FHDC1: variants seen among roughly 807,000 people sequenced by gnomAD.
The protein encoded by FHDC1 is FH2 domain-containing protein 1.
Under a neutral mutation model 52.6 loss-of-function variants are expected in FHDC1, and 25 were observed. The observed-to-expected ratio is 0.48, with a 90% CI of 0.35 to 0.66. The LOEUF (loss-of-function observed/expected upper bound fraction) is 0.66, where lower values mean the gene tolerates loss of function less well. FHDC1 is among the 30% of genes least tolerant of loss of function. The pLI is 0.01. For missense variants in FHDC1, 1,459 were observed against 1,452.8 expected, an observed-to-expected ratio of 1.00 and a Z score of -0.07; for synonymous variants, 616 against 581.5, an observed-to-expected ratio of 1.06 and a Z score of -0.85.
the FHDC1 span, among the ~76,000 whole-genome samples, chr4:152,922,499 T>A: frequency 6.6e-6 from 1 of 151,416 alleles, no homozygotes; most frequent in African/African-American, 2.4e-5. Context: ...CCTCCCTAAC[T>A]CATTTTATGA....
In FHDC1 at chr4:152,965,703, G is replaced by A. The variant is rs553794000; in HGVS notation, c.1100+728G>A. Among the ~76,000 whole-genome samples the A allele has an allele frequency of 1.6e-4, 25 of 152,282 alleles. No homozygotes were observed. The East Asian group carries it at 1.7e-3, about 11-fold the overall frequency. On this transcript the variant is annotated intron_variant, in intron 9 of 11. Coordinates refer to ENST00000511601, the MANE Select transcript of FHDC1 (RefSeq NM_001371116.1). ...TGCTGATTTCCGTGTTGTAAATACC[G>A]TAACCATGGCTGATGTCAAGCTGCT...
At chr4:152,971,372 C>T (rs1277338047) in intron 10 of FHDC1, among the ~76,000 whole-genome samples, 2 of 152,150 alleles carry the variant, frequency 1.3e-5, no homozygotes, top group African/African-American at 4.8e-5. Context: ...CATAAGACTT[C>T]AGTGTGATTC....
At chr4:152,945,339 A>C (rs970098324) in intron 2 of FHDC1, among the ~76,000 whole-genome samples, 3 of 152,224 alleles carry the variant, frequency 2.0e-5, no homozygotes, top group Non-Finnish European at 4.4e-5. Flanking sequence ...CACCCTATGC[A>C]GATTTTTACA....
upstream of FHDC1, among the ~76,000 whole-genome samples, chr4:152,934,645 C>T (rs72725617): frequency 3.3e-3 from 505 of 152,154 alleles, no homozygotes; most frequent in Non-Finnish European, 5.7e-3. Context: ...ACTGGGAGAT[C>T]GAGAGTTGGA....
intron 4 of FHDC1, among the ~76,000 whole-genome samples, chr4:152,956,263 T>C (rs1462271472): frequency 6.6e-6 from 1 of 152,186 alleles, no homozygotes; most frequent in Admixed American, 6.5e-5. Context: ...TACCCACTCC[T>C]AATTGACCTC....
chr4:152,960,870 G>A (rs770383925), intron 6 of FHDC1, 26 bp downstream of exon 6: 3 of 1,507,672 alleles, frequency 2.0e-6, no homozygotes, highest in Non-Finnish European at 2.7e-6. Context: ...ATCCTTCGCA[G>A]AATTTGTTTT....
At chr4:152,936,137 T>C (rs1275553272), upstream of FHDC1, among the ~76,000 whole-genome samples, 7 of 151,772 alleles carry the variant, frequency 4.6e-5, no homozygotes, top group Admixed American at 6.6e-5. Context: ...CAGGTGAAGG[T>C]GAGCGCGTGG....
intron 3 of FHDC1, 132 bp downstream of exon 3, chr4:152,953,692 C>A: frequency 1.4e-6 from 1 of 739,906 alleles, no homozygotes; most frequent in Non-Finnish European, 2.3e-6. Flanking sequence ...CTTGATGAGC[C>A]TGCAAGTGAC....
At chr4:152,971,585 G>A (rs534390178) in intron 10 of FHDC1, among the ~76,000 whole-genome samples, 20 of 152,282 alleles carry the variant, frequency 1.3e-4, no homozygotes, top group African/African-American at 4.6e-4. Flanking sequence ...TCTGTGTTGA[G>A]GCAGTACCAG....
Position 152,960,634 on chromosome 4 carries a change from T to A in FHDC1, c.733T>A (p.Leu245Ile). 6.2e-7 allele frequency: 1 copy of A among 1,614,180 alleles called. No individual in the cohort carries two copies. Among genetic ancestry groups the A allele is most frequent in the Non-Finnish European group, 8.5e-7 (1 of 1,180,026 alleles). Reference protein sequence around the residue: ...LSLADSFLYGLIQVPNYSLRI... With the variant: ...LSLADSFLYGIIQVPNYSLRI... ...TCTGGCAGATTCCTTTCTGTATGGC[T>A]TAATTCAGGTGCCAAAGTAAGGATA... The change falls in exon 5 of 12, where the codon TTA becomes ATA. Residue 245 changes from leucine (L) to isoleucine (I), a missense_variant. Physicochemically the swap from Leu to Ile is conservative, Grantham distance 5. Around this residue, in one of 3 missense-constraint regions of FHDC1, gnomAD observed 513 missense variants for 581.5 expected, o/e 0.88. Coordinates refer to ENST00000511601, the MANE Select transcript of FHDC1 (RefSeq NM_001371116.1).
Position 152,953,480 on chromosome 4 carries a change from TC to T in FHDC1, c.499-17del. The stretch of plus-strand genomic sequence containing the variant: ...TATTTGAATTTAGTAATCCTATGTG[TC>T]CTTATTTTTTTTTCCAGATTACTAT... On this transcript the variant is annotated intron_variant, in intron 2 of 11. Transcript: ENST00000511601. The T allele has an allele frequency of 6.2e-7, 1 of 1,600,406 alleles. No individual in the cohort carries two copies. Among genetic ancestry groups the T allele is most frequent in the Non-Finnish European group, 8.5e-7 (1 of 1,169,860 alleles).
At position 152,977,133 on chromosome 4, in the gene FHDC1, C is replaced by T. The variant is rs1740923887; in HGVS notation, c.*410C>T. 1.3e-5 allele frequency: 2 copies of T among 154,982 alleles called. No individual in the cohort carries two copies. Among genetic ancestry groups the T allele is most frequent in the African/African-American group, 4.8e-5 (2 of 41,486 alleles). The allele number at this position is 154,982 out of a possible 1,614,324, so 9.6% of individuals were successfully genotyped here. On this transcript the variant is annotated 3_prime_UTR_variant, in exon 12 of 12. Coordinates refer to ENST00000511601, the MANE Select transcript of FHDC1 (RefSeq NM_001371116.1). ...ATTAGCTAGGTGCAGTGGTTCATGC[C>T]TGTAATCCAGCACTTTGGGAGGCTA... is the stretch of plus-strand genomic sequence containing the variant.
Position 152,977,965 on chromosome 4 carries a change from T to C in FHDC1, c.*1242T>C, listed in dbSNP as rs183818832. 7 of 152,204 alleles carry C rather than the reference T, an allele frequency of 4.6e-5. No individual in the cohort carries two copies. The highest frequency in any genetic ancestry group is 1.5e-5 in the Non-Finnish European group (1 of 68,068). The allele number at this position is 152,204 out of a possible 1,614,324, so 9.4% of individuals were successfully genotyped here. A position where few individuals can be genotyped will look rare whatever the true frequency, so the allele number is the denominator to read the frequency against. On this transcript the variant is annotated 3_prime_UTR_variant, in exon 12 of 12. Transcript: ENST00000511601. ...GTCTGTCTAGGAACAGGAGGGAAAG[T>C]TGGACTCAGACAGAAATCAGATGCT... is the stretch of plus-strand genomic sequence containing the variant.
At chr4:152,963,257 C>T (rs1740339454) in intron 8 of FHDC1, 127 bp downstream of exon 8, 1 of 771,216 alleles carries the variant, frequency 1.3e-6, no homozygotes, top group East Asian at 2.5e-5. Flanking sequence ...CAAGATGGTT[C>T]TGTTTGTAGA....
At chr4:152,917,553 A>G in the FHDC1 span, among the ~76,000 whole-genome samples, 4 of 152,182 alleles carry the variant, frequency 2.6e-5, no homozygotes, top group African/African-American at 7.2e-5. Context: ...AGAAAATACT[A>G]TGGATTAAAA....
intron 2 of FHDC1, among the ~76,000 whole-genome samples, chr4:152,951,818 T>C (rs1181352742): frequency 6.6e-6 from 1 of 152,226 alleles, no homozygotes; most frequent in African/African-American, 2.4e-5. Context: ...GCAGCCGGGA[T>C]GTTTACATCC....
chr4:152,923,337 C>A, the FHDC1 span, among the ~76,000 whole-genome samples: 1 of 152,072 alleles, frequency 6.6e-6, no homozygotes, highest in Non-Finnish European at 1.5e-5. Flanking sequence ...AACTACAAAC[C>A]ACTGCTCAAG....
intron 2 of FHDC1, among the ~76,000 whole-genome samples, chr4:152,952,807 A>G (rs533297933): frequency 1.3e-5 from 2 of 152,288 alleles, no homozygotes; most frequent in South Asian, 2.1e-4. Flanking sequence ...CTGCATCCTA[A>G]AAACCCATTT....
chr4:152,938,630 C>G (rs996055420), intron 1 of FHDC1, among the ~76,000 whole-genome samples: 4 of 152,300 alleles, frequency 2.6e-5, no homozygotes, highest in Non-Finnish European at 4.4e-5. Context: ...CTCTGCTCTC[C>G]AAACTCGGCT....
Sources: allele counts gnomAD v4.1 joint callset (sites outside exome capture counted in the v4.1 genomes callset), GRCh38; gene constraint gnomAD v4.1.1; regional missense constraint gnomAD v4.1.1; transcripts MANE v1.5; gene names NCBI Gene and HGNC (gene_info 2026-07-23, HGNC 2026-07-21).